The following EPB41L4A variants were observed in gnomAD, a reference collection of about 807,000 sequenced individuals.
The protein encoded by EPB41L4A is band 4.1-like protein 4A.
A neutral mutation model predicts 108.6 loss-of-function variants in EPB41L4A; 100 were observed. The ratio of observed to expected loss-of-function variants is 0.92; its 90% CI spans 0.78 to 1.09. The LOEUF (loss-of-function observed/expected upper bound fraction) is 1.09, where lower values mean the gene tolerates loss of function less well. Among genes scored for constraint, EPB41L4A ranks in the 50% least tolerant of loss-of-function variants. The pLI, the probability that EPB41L4A is intolerant of heterozygous loss-of-function variation, is 0.00. For missense variants in EPB41L4A, 1,030 were observed against 842.7 expected, an observed-to-expected ratio of 1.22 and a Z score of -2.75; for synonymous variants, 319 against 289.0, an observed-to-expected ratio of 1.10 and a Z score of -1.05.
intron 4 of EPB41L4A, among the ~76,000 whole-genome samples, chr5:112,271,385 C>T (rs989360162): frequency 1.3e-5 from 2 of 152,196 alleles, no homozygotes; most frequent in South Asian, 2.1e-4. Flanking sequence ...TGAACACTTA[C>T]ATCTTTGCAT....
chr5:112,298,647 T>C (rs1754164336), intron 2 of EPB41L4A, among the ~76,000 whole-genome samples: 1 of 152,020 alleles, frequency 6.6e-6, no homozygotes, highest in Admixed American at 6.6e-5. Flanking sequence ...TGTAGTTTTC[T>C]TTGTTATACT....
chr5:112,168,926 T>C, intron 21 of EPB41L4A, 69 bp downstream of exon 21: 1 of 1,495,706 alleles, frequency 6.7e-7, no homozygotes, highest in Non-Finnish European at 9.3e-7. Context: ...CATCAGCAAG[T>C]AAAGTTCTTT....
chr5:112,181,364 T>C (rs1321443173), intron 18 of EPB41L4A, among the ~76,000 whole-genome samples: 1 of 151,854 alleles, frequency 6.6e-6, no homozygotes, highest in Non-Finnish European at 1.5e-5. Context: ...GACAGGAGAA[T>C]GGCGTGGAAC....
At chr5:112,181,527 G>A (rs1186579283) in intron 18 of EPB41L4A, among the ~76,000 whole-genome samples, 1 of 151,908 alleles carries the variant, frequency 6.6e-6, no homozygotes, top group African/African-American at 2.4e-5. Flanking sequence ...CCAAGCGAAA[G>A]AAAACAAATT....
chr5:112,327,793 G>T (rs533440913), intron 1 of EPB41L4A, among the ~76,000 whole-genome samples: 2 of 152,020 alleles, frequency 1.3e-5, no homozygotes, highest in Non-Finnish European at 2.9e-5. Context: ...TAAACATCTC[G>T]CAAGTAACAG....
chr5:112,386,099 G>A (rs1169292951), intron 1 of EPB41L4A, among the ~76,000 whole-genome samples: 1 of 152,186 alleles, frequency 6.6e-6, no homozygotes, highest in Non-Finnish European at 1.5e-5. Flanking sequence ...GTGATGCACT[G>A]CATCCTTTCA....
intron 12 of EPB41L4A, among the ~76,000 whole-genome samples, chr5:112,226,358 T>G (rs149158851): frequency 2.0e-4 from 31 of 152,324 alleles, no homozygotes; most frequent in Non-Finnish European, 4.1e-4. Context: ...AGCCACAGCT[T>G]CTGTGCGCTC....
At chr5:112,363,040 A>G (rs1758877219) in intron 1 of EPB41L4A, among the ~76,000 whole-genome samples, 1 of 152,136 alleles carries the variant, frequency 6.6e-6, no homozygotes, top group Non-Finnish European at 1.5e-5. Flanking sequence ...GACTTCTTAC[A>G]ATGCAATTGG....
At chr5:112,352,724 G>A (rs1758124008) in intron 1 of EPB41L4A, among the ~76,000 whole-genome samples, 1 of 152,140 alleles carries the variant, frequency 6.6e-6, no homozygotes, top group African/African-American at 2.4e-5. Flanking sequence ...AGCAGCTGTA[G>A]TTGTAGTTGT....
At chr5:112,206,336 A>G (rs1762471893) in intron 13 of EPB41L4A, among the ~76,000 whole-genome samples, 1 of 152,024 alleles carries the variant, frequency 6.6e-6, no homozygotes, top group South Asian at 2.1e-4. Context: ...CAGCCAACAA[A>G]GAGGAGAGAG....
intron 12 of EPB41L4A, 34 bp downstream of exon 12, chr5:112,234,600 G>C (rs1206096081): frequency 6.2e-7 from 1 of 1,606,548 alleles, no homozygotes; most frequent in Non-Finnish European, 8.5e-7. Context: ...GGAAAACAAG[G>C]TTACATAGAT....
At chr5:112,419,843 A>G (rs1762988132), upstream of EPB41L4A, 1 of 456,726 alleles carries the variant, frequency 2.2e-6, no homozygotes. Flanking sequence ...GGCCGTGTGT[A>G]GCCAAGTTCA....
intron 1 of EPB41L4A, among the ~76,000 whole-genome samples, chr5:112,382,337 G>C (rs1243868595): frequency 2.0e-5 from 3 of 152,148 alleles, no homozygotes; most frequent in African/African-American, 7.2e-5. Context: ...AAGAAAGGAA[G>C]CAAGTGTCAG....
chr5:112,293,560 AG>A (rs1753795691), intron 2 of EPB41L4A, among the ~76,000 whole-genome samples: 1 of 152,248 alleles, frequency 6.6e-6, no homozygotes, highest in Non-Finnish European at 1.5e-5. Flanking sequence ...GAAGGAAAAA[AG>A]AACTAAAGTT....
At chr5:112,230,057 C>A (rs1748771738) in intron 12 of EPB41L4A, among the ~76,000 whole-genome samples, 1 of 150,178 alleles carries the variant, frequency 6.7e-6, no homozygotes, top group Non-Finnish European at 1.5e-5. Flanking sequence ...TTATTTTGTT[C>A]CTTTTTATGG....
chr5:112,331,782 A>C (rs1033384519), intron 1 of EPB41L4A, among the ~76,000 whole-genome samples: 1 of 152,214 alleles, frequency 6.6e-6, no homozygotes, highest in African/African-American at 2.4e-5. Context: ...CCAGTCCCTT[A>C]ACCAACATGA....
chr5:112,169,455 T>C (rs999283887), intron 20 of EPB41L4A, among the ~76,000 whole-genome samples: 1 of 152,126 alleles, frequency 6.6e-6, no homozygotes, highest in Non-Finnish European at 1.5e-5. Context: ...GCATTCCTAA[T>C]GGAAAAAGTT....
At chr5:112,240,655 T>C (rs370556359) in intron 10 of EPB41L4A, 64 bp downstream of exon 10, 1 of 918,448 alleles carries the variant, frequency 1.1e-6, no homozygotes, top group East Asian at 2.7e-5. Context: ...CAGAATTCTT[T>C]TTATAAAAAT....
intron 12 of EPB41L4A, among the ~76,000 whole-genome samples, chr5:112,216,487 C>G (rs968197930): frequency 6.6e-6 from 1 of 152,090 alleles, no homozygotes; most frequent in African/African-American, 2.4e-5. Context: ...AAATAACATA[C>G]AGCTAAACAA....
Sources: gnomAD v4.1 joint callset for allele counts (sites outside exome capture counted in the v4.1 genomes callset) on GRCh38, gnomAD v4.1.1 for gene constraint, MANE v1.5 for transcripts, NCBI Gene and HGNC (gene_info 2026-07-23, HGNC 2026-07-21) for gene names.